RRS1: variants seen among roughly 807,000 people sequenced by gnomAD.
RRS1 encodes regulator of ribosome synthesis 1, also known as ribosome biogenesis regulatory protein homolog.
Under a neutral mutation model 23.1 loss-of-function variants are expected in RRS1, and 10 were observed. That is an observed-to-expected ratio of 0.43 (90% CI 0.27 to 0.74). The LOEUF is 0.74. Ranked by LOEUF, RRS1 falls within the 30% of genes least tolerant of loss-of-function variation. The pLI, the probability that RRS1 is intolerant of heterozygous loss-of-function variation, is 0.19. For missense variants in RRS1, 485 were observed against 484.3 expected, an observed-to-expected ratio of 1.00 and a Z score of -0.01; for synonymous variants, 198 against 207.7, an observed-to-expected ratio of 0.95 and a Z score of 0.40.
In RRS1 at chr8:66,429,611, G is replaced by T. The variant is rs750421745; in HGVS notation, c.480G>T (p.Val160=). ...RDDTKEWLIE[V]PGNADPLEDQ... ...ACACCAAAGAATGGCTGATTGAGGT[G>T]CCCGGCAATGCCGACCCCTTGGAGG... The change falls in exon 1 of 1, where the codon GTG becomes GTT. Residue 160 remains valine (V), a synonymous_variant. Transcript: ENST00000320270. This position sits in a 1 kb window ranked among gnomAD's most constrained non-coding sequence, Gnocchi z 5.1. 1 of 1,613,206 alleles carries T rather than the reference G, an allele frequency of 6.2e-7. No individual in the cohort carries two copies. Among genetic ancestry groups the T allele is most frequent in the Non-Finnish European group, 8.5e-7 (1 of 1,180,006 alleles).
At position 66,429,136 on chromosome 8, in the gene RRS1, A is replaced by G. The variant is rs1805162735; in HGVS notation, c.5A>G (p.Glu2Gly). 6.2e-7 allele frequency: 1 copy of G among 1,603,108 alleles called. No individual in the cohort carries two copies. The highest frequency in any genetic ancestry group is 1.3e-5 in the African/African-American group (1 of 74,680). The change falls in exon 1 of 1, where the codon GAG (glutamate) becomes GGG (glycine). Residue 2 changes from glutamate (E) to glycine (G), a missense_variant. Transcript: ENST00000320270. The surrounding 1 kb of genome is among the most constrained non-coding windows in gnomAD (Gnocchi z 5.1). Reference sequence around the variant, plus strand: ...CGAGTGAGCCGAGCCGGAGCCATGGAGGGCCAGAGCGTGGAGGAGCTGCTC... The same window carrying G: ...CGAGTGAGCCGAGCCGGAGCCATGGGGGGCCAGAGCGTGGAGGAGCTGCTC... MEGQSVEELLAK... is the reference protein window; with the variant it reads MGGQSVEELLAK...
rs1441497528 is a variant in RRS1, at chr8:66,429,745, C to G, written c.614C>G (p.Ala205Gly). 1.2e-6 allele frequency: 2 copies of G among 1,612,486 alleles called. No individual in the cohort carries two copies. Among genetic ancestry groups the G allele is most frequent in the African/African-American group, 2.7e-5 (2 of 74,908 alleles). ...CACAAGATGCAGCTGCCCAGCGCGG[C>G]CGGCTTGCACCCTACCGGACACCAG... Reference protein sequence around the residue: ...RAHKMQLPSAAGLHPTGHQSK... With the variant: ...RAHKMQLPSAGGLHPTGHQSK... Residue 205 changes from alanine (A) to glycine (G), a missense_variant, in exon 1 of 1, where the codon GCC becomes GGC. Ala to Gly is a moderately conservative substitution (Grantham distance 60). Transcript: ENST00000320270. This position sits in a 1 kb window ranked among gnomAD's most constrained non-coding sequence, Gnocchi z 5.1.
Position 66,429,348 on chromosome 8 carries a change from A to C in RRS1, c.217A>C (p.Ile73Leu), listed in dbSNP as rs761755888. Reference sequence around the variant, plus strand: ...GGCGCGGGACAACACGCAACTGCTCATCAACCAGCTGTGGCAGCTGCCCAC... The same window carrying C: ...GGCGCGGGACAACACGCAACTGCTCCTCAACCAGCTGTGGCAGCTGCCCAC... ...ALARDNTQLL[I>L]NQLWQLPTER... Residue 73 changes from isoleucine (I) to leucine (L), a missense_variant, in exon 1 of 1, where the codon ATC (isoleucine) becomes CTC (leucine). Coordinates refer to ENST00000320270, the MANE Select transcript of RRS1 (RefSeq NM_015169.4). The surrounding 1 kb of genome is among the most constrained non-coding windows in gnomAD (Gnocchi z 5.1). 1 of 1,551,738 alleles carries C rather than the reference A, an allele frequency of 6.4e-7. No individual in the cohort carries two copies. Among genetic ancestry groups the C allele is most frequent in the South Asian group, 1.2e-5 (1 of 84,434 alleles).
Position 66,429,241 on chromosome 8 carries a change from G to A in RRS1, c.110G>A (p.Gly37Asp). The change falls in exon 1 of 1, where the codon GGC (glycine) becomes GAC (aspartate). Residue 37 changes from glycine to aspartate, a missense_variant. Transcript: ENST00000320270. The surrounding 1 kb of genome is among the most constrained non-coding windows in gnomAD (Gnocchi z 5.1). Reference protein sequence around the residue: ...HKELELQFDLGNLLASDRNPP... With the variant: ...HKELELQFDLDNLLASDRNPP... ...GAGCTGGAGCTGCAGTTTGACCTGG[G>A]CAACCTGCTGGCGTCGGACCGGAAC... 1 of 1,606,650 alleles carries A rather than the reference G, an allele frequency of 6.2e-7. No individual in the cohort carries two copies. The highest frequency in any genetic ancestry group is 8.5e-7 in the Non-Finnish European group (1 of 1,176,710).
rs535315682 is a variant in RRS1 at position 66,430,541 on chromosome 8, G to A, written c.*312G>A. 201 of 325,634 alleles carry A rather than the reference G, an allele frequency of 6.2e-4. 1 individual carries two copies. Among genetic ancestry groups the A allele is most frequent in the Non-Finnish European group, 9.2e-4 (157 of 170,484 alleles). 20.2% of individuals were successfully genotyped at this position (325,634 alleles called of 1,614,324 possible). ...TTTTTCTTTTTAATGTTGGATATAC[G>A]GCGAGGTAGAGTTGGCCATATTTCA... On this transcript the variant is annotated 3_prime_UTR_variant, in exon 1 of 1. Transcript: ENST00000320270.
chr8:66,430,273 A>T lies in RRS1; in HGVS notation c.*44A>T. On this transcript the variant is annotated 3_prime_UTR_variant, in exon 1 of 1. Coordinates refer to ENST00000320270, the MANE Select transcript of RRS1 (RefSeq NM_015169.4). The stretch of plus-strand genomic sequence containing the variant: ...CCCGTCTGTAAACCAAGGACTATGA[A>T]TACTAAATGTTAAGTTCTAGGCAAT... 1.9e-6 allele frequency: 3 copies of T among 1,604,526 alleles called. No homozygotes were observed. The highest frequency in any genetic ancestry group is 2.6e-6 in the Non-Finnish European group (3 of 1,174,818).
At position 66,430,391 on chromosome 8, in the gene RRS1, C is replaced by A; in HGVS notation, c.*162C>A. 2 of 720,228 alleles carry A rather than the reference C, an allele frequency of 2.8e-6. No individual in the cohort carries two copies. The highest frequency in any genetic ancestry group is 4.6e-6 in the Non-Finnish European group (2 of 431,064). The allele number at this position is 720,228 out of a possible 1,614,324, so 44.6% of individuals were successfully genotyped here. ...GTCAAGAAAGTATGTAAGTGTTGGA[C>A]TGCACAAATTAATGTTTTTCCCACA... On this transcript the variant is annotated 3_prime_UTR_variant, in exon 1 of 1. Transcript: ENST00000320270.
chr8:66,430,244 C>A lies in RRS1; in HGVS notation c.*15C>A. On this transcript the variant is annotated 3_prime_UTR_variant, in exon 1 of 1. Transcript: ENST00000320270. ...GGAGGAAGTAATAGTTTCTAACTGT[C>A]GGACCCGTCTGTAAACCAAGGACTA... The A allele has an allele frequency of 6.2e-7, 1 of 1,613,310 alleles. No homozygotes were observed. Among genetic ancestry groups the A allele is most frequent in the Non-Finnish European group, 8.5e-7 (1 of 1,179,720 alleles).
At position 66,429,246 on chromosome 8, in the gene RRS1, C is replaced by A. The variant is rs116590536; in HGVS notation, c.115C>A (p.Leu39Met). 307 of 1,603,512 alleles carry A rather than the reference C, an allele frequency of 1.9e-4. No homozygotes were observed. The highest frequency in any genetic ancestry group is 2.4e-4 in the Non-Finnish European group (277 of 1,175,294). The change falls in exon 1 of 1, where the codon CTG becomes ATG. Residue 39 changes from leucine (L) to methionine (M), a missense_variant. Physicochemically the swap from Leu to Met is conservative, Grantham distance 15. Coordinates refer to ENST00000320270, the MANE Select transcript of RRS1 (RefSeq NM_015169.4). This position sits in a 1 kb window ranked among gnomAD's most constrained non-coding sequence, Gnocchi z 5.1. ...ELELQFDLGN[L>M]LASDRNPPTG... The stretch of plus-strand genomic sequence containing the variant: ...GGAGCTGCAGTTTGACCTGGGCAAC[C>A]TGCTGGCGTCGGACCGGAACCCCCC...
rs753424141 is a variant in RRS1, at chr8:66,429,513, A to G, written c.382A>G (p.Lys128Glu). ...CCTCAAGGGCATCCGTCCCAAGAAG[A>G]AGACCAACCTGGTGTGGGACGAGGT... ...ARLKGIRPKK[K>E]TNLVWDEVSG... is the part of the protein sequence containing the mutation. Residue 128 changes from lysine (K) to glutamate (E), a missense_variant, in exon 1 of 1, where the codon AAG becomes GAG. Transcript: ENST00000320270. This position sits in a 1 kb window ranked among gnomAD's most constrained non-coding sequence, Gnocchi z 5.1. The G allele has an allele frequency of 1.2e-6, 2 of 1,609,900 alleles. No homozygotes were observed. Among genetic ancestry groups the G allele is most frequent in the Non-Finnish European group, 1.7e-6 (2 of 1,178,450 alleles).
At position 66,430,466 on chromosome 8, in the gene RRS1, A is replaced by G; in HGVS notation, c.*237A>G. On this transcript the variant is annotated 3_prime_UTR_variant, in exon 1 of 1. Transcript: ENST00000320270. ...TTATTTGAGGATTTAAGAATTAGGG[A>G]AATAATTTGGTGGAAACCGGGAATG... 2.0e-6 allele frequency: 1 copy of G among 493,546 alleles called. No individual in the cohort carries two copies. Among genetic ancestry groups the G allele is most frequent in the Non-Finnish European group, 3.6e-6 (1 of 276,678 alleles). The allele number at this position is 493,546 out of a possible 1,614,324, so 30.6% of individuals were successfully genotyped here. A position where few individuals can be genotyped will look rare whatever the true frequency, so the allele number is the denominator to read the frequency against.
Position 66,429,223 on chromosome 8 carries a change from A to G in RRS1, c.92A>G (p.Glu31Gly). Residue 31 changes from glutamate (E) to glycine (G), a missense_variant, in exon 1 of 1, where the codon GAG becomes GGG. Transcript: ENST00000320270. The surrounding 1 kb of genome is among the most constrained non-coding windows in gnomAD (Gnocchi z 5.1). ...LQRITVHKEL[E>G]LQFDLGNLLA... Reference sequence around the variant, plus strand: ...CGCATCACGGTGCACAAGGAGCTGGAGCTGCAGTTTGACCTGGGCAACCTG... The same window carrying G: ...CGCATCACGGTGCACAAGGAGCTGGGGCTGCAGTTTGACCTGGGCAACCTG... The G allele has an allele frequency of 6.2e-7, 1 of 1,612,072 alleles. No homozygotes were observed. Among genetic ancestry groups the G allele is most frequent in the Non-Finnish European group, 8.5e-7 (1 of 1,179,192 alleles).
At position 66,429,135 on chromosome 8, in the gene RRS1, G is replaced by A. The variant is rs759783495; in HGVS notation, c.4G>A (p.Glu2Lys). The A allele has an allele frequency of 1.2e-6, 2 of 1,603,350 alleles. No homozygotes were observed. Among genetic ancestry groups the A allele is most frequent in the East Asian group, 2.2e-5 (1 of 44,548 alleles). The change falls in exon 1 of 1, where the codon GAG (glutamate) becomes AAG (lysine). Residue 2 changes from glutamate (E) to lysine (K), a missense_variant. Physicochemically the swap from Glu to Lys is moderately conservative, Grantham distance 56. Coordinates refer to ENST00000320270, the MANE Select transcript of RRS1 (RefSeq NM_015169.4). This position sits in a 1 kb window ranked among gnomAD's most constrained non-coding sequence, Gnocchi z 5.1. ...GCGAGTGAGCCGAGCCGGAGCCATG[G>A]AGGGCCAGAGCGTGGAGGAGCTGCT... M[E>K]GQSVEELLAK...
chr8:66,429,468 C>G lies in RRS1; in HGVS notation c.337C>G (p.Arg113Gly), dbSNP rs1235629048. Residue 113 changes from arginine to glycine, a missense_variant, in exon 1 of 1, where the codon CGC becomes GGC. Arg to Gly is a moderately radical substitution (Grantham distance 125). Transcript: ENST00000320270. This position sits in a 1 kb window ranked among gnomAD's most constrained non-coding sequence, Gnocchi z 5.1. ...TCTGCCCCGACCGCGGCCACTTACA[C>G]GCTGGCAGCAGTTCGCGCGCCTCAA... ...KPLPRPRPLTRWQQFARLKGI... is the reference protein window; with the variant it reads ...KPLPRPRPLTGWQQFARLKGI... 6.4e-7 allele frequency: 1 copy of G among 1,571,694 alleles called. No individual in the cohort carries two copies. The highest frequency in any genetic ancestry group is 8.6e-7 in the Non-Finnish European group (1 of 1,158,892).
Position 66,429,882 on chromosome 8 carries a change from A to G in RRS1, c.751A>G (p.Lys251Glu), listed in dbSNP as rs938670133. The change falls in exon 1 of 1, where the codon AAA becomes GAA. Residue 251 changes from lysine to glutamate, a missense_variant. By Grantham distance (56) the Lys-to-Glu change is moderately conservative (BLOSUM62 1). Coordinates refer to ENST00000320270, the MANE Select transcript of RRS1 (RefSeq NM_015169.4). This position sits in a 1 kb window ranked among gnomAD's most constrained non-coding sequence, Gnocchi z 5.1. ...KEKVPRGSGK[K>E]RKFQPLFGDF... Reference sequence around the variant, plus strand: ...GAAGGTGCCCCGGGGCTCCGGCAAGAAAAGGAAGTTTCAACCCCTTTTCGG... The same window carrying G: ...GAAGGTGCCCCGGGGCTCCGGCAAGGAAAGGAAGTTTCAACCCCTTTTCGG... The G allele has an allele frequency of 2.5e-6, 4 of 1,613,928 alleles. No homozygotes were observed. The highest frequency in any genetic ancestry group is 3.4e-6 in the Non-Finnish European group (4 of 1,180,052).
Position 66,430,140 on chromosome 8 carries a change from G to A in RRS1, c.1009G>A (p.Gly337Ser). Residue 337 changes from glycine to serine, a missense_variant, in exon 1 of 1, where the codon GGC becomes AGC. Coordinates refer to ENST00000320270, the MANE Select transcript of RRS1 (RefSeq NM_015169.4). ...CAGCCAGGGAGGGAAGAGGAAAGGG[G>A]GCTTGGGAGGCAAGATGAATTCTGG... ...PPSQGGKRKG[G>S]LGGKMNSGPP... 6.2e-7 allele frequency: 1 copy of A among 1,613,978 alleles called. No homozygotes were observed. Among genetic ancestry groups the A allele is most frequent in the Non-Finnish European group, 8.5e-7 (1 of 1,179,920 alleles).
Position 66,429,720 on chromosome 8 carries a change from C to G in RRS1, c.589C>G (p.His197Asp). The G allele has an allele frequency of 6.2e-7, 1 of 1,612,876 alleles. No homozygotes were observed. The highest frequency in any genetic ancestry group is 2.2e-5 in the East Asian group (1 of 44,838). The change falls in exon 1 of 1, where the codon CAC (histidine) becomes GAC (aspartate). Residue 197 changes from histidine to aspartate, a missense_variant. His to Asp is a moderately conservative substitution (Grantham distance 81). Transcript: ENST00000320270. This position sits in a 1 kb window ranked among gnomAD's most constrained non-coding sequence, Gnocchi z 5.1. Reference sequence around the variant, plus strand: ...CCGGCTGCGTAACCTGGCCCGCGCGCACAAGATGCAGCTGCCCAGCGCGGC... The same window carrying G: ...CCGGCTGCGTAACCTGGCCCGCGCGGACAAGATGCAGCTGCCCAGCGCGGC... ...LNRLRNLARA[H>D]KMQLPSAAGL...
rs754492551 is a variant in RRS1 at position 66,429,180 on chromosome 8, G to C, written c.49G>C (p.Glu17Gln). The C allele has an allele frequency of 1.2e-6, 2 of 1,613,638 alleles. No individual in the cohort carries two copies. The highest frequency in any genetic ancestry group is 1.7e-6 in the Non-Finnish European group (2 of 1,179,904). The change falls in exon 1 of 1, where the codon GAG (glutamate) becomes CAG (glutamine). Residue 17 changes from glutamate to glutamine, a missense_variant. By Grantham distance (29) the Glu-to-Gln change is conservative (BLOSUM62 2). Transcript: ENST00000320270. This position sits in a 1 kb window ranked among gnomAD's most constrained non-coding sequence, Gnocchi z 5.1. ...EELLAKAEQD[E>Q]AEKLQRITVH... ...GCTGCTCGCAAAGGCAGAGCAGGAC[G>C]AGGCAGAGAAGTTGCAACGCATCAC... is the stretch of plus-strand genomic sequence containing the variant.
rs1166419655 is a variant in RRS1, at chr8:66,430,011, G to C, written c.880G>C (p.Glu294Gln). 6.2e-7 allele frequency: 1 copy of C among 1,612,602 alleles called. No individual in the cohort carries two copies. Residue 294 changes from glutamate to glutamine, a missense_variant, in exon 1 of 1, where the codon GAG becomes CAG. Physicochemically the swap from Glu to Gln is conservative, Grantham distance 29. Transcript: ENST00000320270. ...VTRATNKQMR[E>Q]EDQEEAAKRR... is the part of the protein sequence containing the mutation. The stretch of plus-strand genomic sequence containing the variant: ...TAGGGCCACCAATAAGCAGATGAGG[G>C]AGGAGGACCAGGAGGAGGCCGCCAA...
Sources: allele counts gnomAD v4.1 joint callset, GRCh38; gene constraint gnomAD v4.1.1; non-coding constraint Gnocchi (gnomAD v3.1); transcripts MANE v1.5; gene names NCBI Gene and HGNC (gene_info 2026-07-23, HGNC 2026-07-21).